CDH13: variants seen among roughly 807,000 people sequenced by gnomAD.
CDH13 encodes cadherin-13.
A neutral mutation model predicts 63.8 loss-of-function variants in CDH13; 24 were observed. The ratio of observed to expected loss-of-function variants is 0.38; its 90% confidence interval spans 0.27 to 0.53. The LOEUF is 0.53. Ranked by LOEUF, CDH13 falls within the 20% of genes least tolerant of loss-of-function variation. The probability of loss-of-function intolerance (pLI) is 0.85; values close to 1 mark genes in which losing one functional copy is unlikely to be tolerated. For synonymous variants in CDH13, 503 were observed against 355.3 expected, an observed-to-expected ratio of 1.42 and a Z score of -4.67; for missense variants, 1,049 against 903.1, an observed-to-expected ratio of 1.16 and a Z score of -2.07.
chr16:83,039,958 C>T lies in CDH13; in HGVS notation c.366+7740C>T, dbSNP rs567657785. ...AATATCCCCCAGCTGGCTAGGTGTT[C>T]TTTCTCCAGGCTCCTGTAGACACCT... On this transcript the variant is annotated intron_variant, in intron 3 of 13. Coordinates refer to ENST00000567109, the MANE Select transcript of CDH13 (RefSeq NM_001257.5). Among the ~76,000 whole-genome samples, 293 of 152,046 alleles carry T rather than the reference C, an allele frequency of 1.9e-3. 1 individual carries two copies. The highest frequency in any genetic ancestry group is 0.017 in the Middle Eastern group (5 of 294).
At chr16:82,655,429 T>C (rs1320166617) in intron 1 of CDH13, among the ~76,000 whole-genome samples, 1 of 152,030 alleles carries the variant, frequency 6.6e-6, no homozygotes, top group Admixed American at 6.6e-5. Context: ...AAAAGGAAAG[T>C]GTATGCCAGG....
intron 3 of CDH13, among the ~76,000 whole-genome samples, chr16:83,039,457 C>T (rs1917149114): frequency 6.6e-6 from 1 of 152,170 alleles, no homozygotes; most frequent in Non-Finnish European, 1.5e-5. Context: ...AAGGATCTCC[C>T]CTACTGGTCT....
intron 6 of CDH13, among the ~76,000 whole-genome samples, chr16:83,390,512 T>A (rs922044592): frequency 6.6e-6 from 1 of 151,878 alleles, no homozygotes; most frequent in Non-Finnish European, 1.5e-5. Flanking sequence ...CTAAAGATAA[T>A]GTGTGATTTT....
chr16:82,885,110 AG>A (rs1369319762), intron 2 of CDH13, among the ~76,000 whole-genome samples: 12 of 152,200 alleles, frequency 7.9e-5, no homozygotes, highest in Non-Finnish European at 1.3e-4. Flanking sequence ...TGTTCTACCT[AG>A]AACCCAACTG....
intron 11 of CDH13, among the ~76,000 whole-genome samples, chr16:83,749,141 C>T (rs1022492052): frequency 1.3e-5 from 2 of 152,184 alleles, no homozygotes; most frequent in African/African-American, 4.8e-5. Flanking sequence ...CCCTATTATT[C>T]CTAAAAGCCA....
intron 1 of CDH13, chr16:82,829,472 C>G (rs905763252): frequency 1.3e-5 from 2 of 152,064 alleles, no homozygotes; most frequent in African/African-American, 4.8e-5. Flanking sequence ...GTTTTCACGG[C>G]TACCCAAGAG....
intron 2 of CDH13, among the ~76,000 whole-genome samples, chr16:82,988,121 C>T (rs1911182651): frequency 6.6e-6 from 1 of 152,170 alleles, no homozygotes; most frequent in African/African-American, 2.4e-5. Flanking sequence ...ATCAGCTGGG[C>T]CAAAACCAAA....
At chr16:83,265,147 T>G (rs1907454079) in intron 5 of CDH13, among the ~76,000 whole-genome samples, 1 of 152,222 alleles carries the variant, frequency 6.6e-6, no homozygotes, top group Non-Finnish European at 1.5e-5. Flanking sequence ...CTTATTTTCT[T>G]GGAATTTGTT....
chr16:82,782,929 G>C (rs1377596005), intron 1 of CDH13, among the ~76,000 whole-genome samples: 1 of 152,080 alleles, frequency 6.6e-6, no homozygotes, highest in African/African-American at 2.4e-5. Flanking sequence ...CTGTTACTAG[G>C]GGCAACTCTA....
chr16:83,112,054 G>C (rs566945507), intron 3 of CDH13, among the ~76,000 whole-genome samples: 1 of 152,156 alleles, frequency 6.6e-6, no homozygotes, highest in African/African-American at 2.4e-5. Context: ...GAGTTCTAGG[G>C]CTTTGTTCCA....
chr16:82,710,165 A>G (rs2031797613), intron 1 of CDH13, among the ~76,000 whole-genome samples: 1 of 147,152 alleles, frequency 6.8e-6, no homozygotes, highest in Non-Finnish European at 1.5e-5. Context: ...TTTTAAATTT[A>G]TAAATTTAAT....
intron 3 of CDH13, among the ~76,000 whole-genome samples, chr16:83,094,310 C>G (rs1188800294): frequency 6.6e-6 from 1 of 152,100 alleles, no homozygotes; most frequent in Non-Finnish European, 1.5e-5. Context: ...TGGTGGTTGA[C>G]AAGAGGGAAA....
intron 7 of CDH13, among the ~76,000 whole-genome samples, chr16:83,504,276 C>T (rs2074348497): frequency 6.6e-6 from 1 of 152,158 alleles, no homozygotes; most frequent in Admixed American, 6.5e-5. Context: ...TCACAACCTC[C>T]AGCCCCTCCA....
chr16:83,579,923 C>T (rs1325636343), intron 7 of CDH13, among the ~76,000 whole-genome samples: 1 of 152,064 alleles, frequency 6.6e-6, no homozygotes, highest in Non-Finnish European at 1.5e-5. Flanking sequence ...AAACTATGAG[C>T]ATGTGCTTAC....
intron 2 of CDH13, among the ~76,000 whole-genome samples, chr16:82,942,841 A>C (rs150247562): frequency 6.6e-5 from 10 of 152,204 alleles, no homozygotes; most frequent in Non-Finnish European, 1.5e-4. Context: ...TCTTCCCATG[A>C]CCCTGCATTG....
At chr16:82,711,368 C>T (rs1273533218) in intron 1 of CDH13, among the ~76,000 whole-genome samples, 1 of 152,092 alleles carries the variant, frequency 6.6e-6, no homozygotes, top group African/African-American at 2.4e-5. Flanking sequence ...CTCCAGAGGT[C>T]TAGCATTGAG....
At chr16:83,075,286 GGGGA>G (rs2032752583) in intron 3 of CDH13, among the ~76,000 whole-genome samples, 1 of 152,144 alleles carries the variant, frequency 6.6e-6, no homozygotes, top group Non-Finnish European at 1.5e-5. Flanking sequence ...TCTTGTCTCA[GGGGA>G]CCACAAAGAG....
chr16:83,515,389 G>C lies in CDH13; in HGVS notation c.960+28734G>C, dbSNP rs568048551. On this transcript the variant is annotated intron_variant, in intron 7 of 13. Coordinates refer to ENST00000567109, the MANE Select transcript of CDH13 (RefSeq NM_001257.5). ...CTGTCGTTTTATGCACTCACGAAGAGTTAACAAGCAATAATAAACAGTCAA... is the reference window on the plus strand; with the variant it reads ...CTGTCGTTTTATGCACTCACGAAGACTTAACAAGCAATAATAAACAGTCAA... Among the ~76,000 whole-genome samples the C allele has an allele frequency of 6.2e-4, 95 of 152,332 alleles. 1 individual carries two copies. The highest frequency in any genetic ancestry group is 2.1e-3 in the African/African-American group (86 of 41,576).
chr16:83,004,490 C>A (rs564042839), intron 2 of CDH13, among the ~76,000 whole-genome samples: 1 of 151,996 alleles, frequency 6.6e-6, no homozygotes, highest in Non-Finnish European at 1.5e-5. Context: ...GCAAGGACCC[C>A]TGTTTTGTTT....
Sources: gnomAD v4.1 joint callset for allele counts (sites outside exome capture counted in the v4.1 genomes callset) on GRCh38, gnomAD v4.1.1 for gene constraint, MANE v1.5 for transcripts, NCBI Gene and HGNC (gene_info 2026-07-23, HGNC 2026-07-21) for gene names.